CFAP69: variants seen among roughly 807,000 people sequenced by gnomAD.
CFAP69 encodes the protein cilia- and flagella-associated protein 69.
CFAP69 carries 92 observed loss-of-function variants against 123.0 expected under a neutral mutation model. That is an observed-to-expected ratio of 0.75 (90% CI 0.63 to 0.89). CFAP69 has a LOEUF of 0.89. Ranked by LOEUF, CFAP69 falls within the 40% of genes least tolerant of loss-of-function variation. CFAP69 has a pLI of 0.00. For missense variants in CFAP69, 1,067 were observed against 1,096.9 expected (o/e 0.97, Z 0.39); for synonymous variants, 380 against 364.3 (o/e 1.04, Z -0.49).
chr7:90,297,171 T>C (rs1261537004), intron 15 of CFAP69, among the ~76,000 whole-genome samples: 3 of 152,220 alleles, frequency 2.0e-5, no homozygotes, highest in Non-Finnish European at 4.4e-5. Context: ...TGGAATTTGG[T>C]ATCTCATTGC....
intron 4 of CFAP69, among the ~76,000 whole-genome samples, chr7:90,264,619 A>G (rs777236683): frequency 2.6e-5 from 4 of 152,126 alleles, no homozygotes; most frequent in Admixed American, 6.5e-5. Flanking sequence ...CTTTGATATA[A>G]TTATAGCTAT....
At chr7:90,309,860 C>T (rs994656598) in intron 22 of CFAP69, among the ~76,000 whole-genome samples, 2 of 152,164 alleles carry the variant, frequency 1.3e-5, no homozygotes, top group Admixed American at 6.6e-5. Flanking sequence ...AATTTGCCCC[C>T]AGTTACAAAG....
chr7:90,304,969 A>G (rs754383224), intron 19 of CFAP69, 149 bp downstream of exon 19: 66 of 583,220 alleles, frequency 1.1e-4, no homozygotes, highest in Non-Finnish European at 1.7e-4. Context: ...TTGAAGAAAT[A>G]CACCATACAC....
chr7:90,289,851 T>C (rs1215855414), intron 15 of CFAP69, among the ~76,000 whole-genome samples: 2 of 152,210 alleles, frequency 1.3e-5, no homozygotes, highest in South Asian at 2.1e-4. Context: ...TGTAATTCAA[T>C]GCTGTTTTTG....
chr7:90,279,694 AG>A lies in CFAP69; in HGVS notation c.1174del (p.Val392LeufsTer17). The A allele has an allele frequency of 6.2e-7, 1 of 1,601,934 alleles. No individual in the cohort carries two copies. Among genetic ancestry groups the A allele is most frequent in the African/African-American group, 1.3e-5 (1 of 74,552 alleles). On this transcript the variant is annotated frameshift_variant, in exon 12 of 23. Transcript: ENST00000389297. LOFTEE classifies it high-confidence loss of function. ...PTVQLLIDGKVILALFTYVKK... is the reference protein window; with the variant it reads ...PTVQLLIDGKXILALFTYVKK... The stretch of plus-strand genomic sequence containing the variant: ...TCTCACAGCTATTAATTGATGGCAA[AG>A]TTATTTTGGCTTTGTTTACCTATGT...
Position 90,245,293 on chromosome 7 carries a change from G to A in CFAP69, c.-132G>A. ...GGCCTAGGCCCCTGGCGGAATTTTG[G>A]GACCTTTCGCGACTCTAGCGACTCT... On this transcript the variant is annotated 5_prime_UTR_variant, in exon 1 of 23. Coordinates refer to ENST00000389297, the MANE Select transcript of CFAP69 (RefSeq NM_001039706.3). The A allele has an allele frequency of 1.6e-6, 2 of 1,289,720 alleles. No homozygotes were observed. The highest frequency in any genetic ancestry group is 2.0e-6 in the Non-Finnish European group (2 of 991,222). 79.9% of individuals were successfully genotyped at this position (1,289,720 alleles called of 1,614,324 possible). A position where few individuals can be genotyped will look rare whatever the true frequency, so the allele number is the denominator to read the frequency against.
At chr7:90,257,089 A>G (rs1352119179) in intron 2 of CFAP69, among the ~76,000 whole-genome samples, 2 of 152,172 alleles carry the variant, frequency 1.3e-5, no homozygotes, top group African/African-American at 4.8e-5. Flanking sequence ...TGTGTTTCCT[A>G]TTCTGGAAAA....
intron 15 of CFAP69, among the ~76,000 whole-genome samples, chr7:90,293,584 A>T (rs1791512909): frequency 6.6e-6 from 1 of 152,210 alleles, no homozygotes; most frequent in Non-Finnish European, 1.5e-5. Context: ...AGGAAAAAAA[A>T]ATCCACATTC....
chr7:90,301,535 G>A (rs569882953), intron 17 of CFAP69: 1 of 152,152 alleles, frequency 6.6e-6, no homozygotes, highest in East Asian at 1.9e-4. Context: ...ATGTGTCCAT[G>A]AATTCTCATC....
At chr7:90,254,194 A>G (rs1283820741) in intron 1 of CFAP69, among the ~76,000 whole-genome samples, 9 of 152,058 alleles carry the variant, frequency 5.9e-5, no homozygotes, top group Admixed American at 1.3e-4. Context: ...TCATTAGCCT[A>G]TGTGTGTGTT....
Position 90,304,077 on chromosome 7 carries a change from C to G in CFAP69, c.2159C>G (p.Ala720Gly). The change falls in exon 18 of 23, where the codon GCA (alanine) becomes GGA (glycine). Residue 720 changes from alanine to glycine, a missense_variant. Transcript: ENST00000389297. ...AVMDVSENIR[A>G]KIYAILGKLD... ...ATGGATGTTTCTGAGAATATTAGAG[C>G]AAAAATTTATGCTATATTGGGCAAA... 6.5e-7 allele frequency: 1 copy of G among 1,550,320 alleles called. No individual in the cohort carries two copies. Among genetic ancestry groups the G allele is most frequent in the South Asian group, 1.2e-5 (1 of 83,810 alleles).
At chr7:90,275,590 C>CTTT (rs57578763) in intron 9 of CFAP69, among the ~76,000 whole-genome samples, 993 of 62,082 alleles carry the variant, frequency 0.016, 209 homozygotes, top group Admixed American at 0.04. Context: ...GGCCAAAAGC[C>CTTT]TTTTTTTTTT....
intron 13 of CFAP69, 55 bp from the exon 14 acceptor site, chr7:90,286,226 T>A: frequency 2.8e-6 from 4 of 1,429,232 alleles, no homozygotes; most frequent in Non-Finnish European, 3.8e-6. Context: ...CAGTAATTGA[T>A]CAAAATAAAA....
intron 12 of CFAP69, among the ~76,000 whole-genome samples, chr7:90,280,949 A>G (rs1205529734): frequency 6.6e-6 from 1 of 152,204 alleles, no homozygotes; most frequent in Non-Finnish European, 1.5e-5. Context: ...ATTATTTTCC[A>G]CTGAATAAAG....
chr7:90,260,781 C>T (rs552290492), intron 3 of CFAP69, among the ~76,000 whole-genome samples: 13 of 151,354 alleles, frequency 8.6e-5, no homozygotes, highest in African/African-American at 2.9e-4. Flanking sequence ...ATCTCAACAC[C>T]TCCATTTTTT....
chr7:90,319,158 A>G, the CFAP69 span: 1 of 388,856 alleles, frequency 2.6e-6, no homozygotes, highest in East Asian at 3.7e-5. Context: ...ATCATTTAAA[A>G]TTGTAAGTCA....
At chr7:90,271,702 TTCA>T in intron 7 of CFAP69, 27 bp downstream of exon 7, 1 of 1,600,170 alleles carries the variant, frequency 6.2e-7, no homozygotes, top group Non-Finnish European at 8.5e-7. Context: ...GTTTAAACAC[TTCA>T]TTGTCAACTA....
At chr7:90,301,374 A>G (rs1472401435) in intron 17 of CFAP69, 1 of 152,096 alleles carries the variant, frequency 6.6e-6, no homozygotes, top group Non-Finnish European at 1.5e-5. Flanking sequence ...CAGGTTTGTT[A>G]TATGGGTAAA....
intron 15 of CFAP69, among the ~76,000 whole-genome samples, chr7:90,289,702 A>G (rs1391680234): frequency 6.6e-6 from 1 of 152,104 alleles, no homozygotes; most frequent in East Asian, 1.9e-4. Flanking sequence ...TCCTTACCCC[A>G]TAGTCATGAA....
Sources: allele counts gnomAD v4.1 joint callset (sites outside exome capture counted in the v4.1 genomes callset), GRCh38; gene constraint gnomAD v4.1.1; transcripts MANE v1.5; gene names NCBI Gene and HGNC (gene_info 2026-07-23, HGNC 2026-07-21).